The following EBF4 variants were observed in gnomAD, a reference collection of about 807,000 sequenced individuals.
EBF4 encodes the protein transcription factor COE4.
In EBF4, 34 loss-of-function variants were observed where a neutral mutation model predicts 67.1. The observed-to-expected ratio is 0.51, with a 90% confidence interval of 0.39 to 0.67. The LOEUF is 0.67. EBF4 is among the 30% of genes least tolerant of loss of function. The probability of loss-of-function intolerance (pLI) is 0.00; values close to 1 mark genes in which losing one functional copy is unlikely to be tolerated. For synonymous variants in EBF4, 387 were observed against 377.7 expected (o/e 1.02, Z -0.29); for missense variants, 837 against 873.3 (o/e 0.96, Z 0.52).
At chr20:2,734,178 A>T (rs6051341) in intron 6 of EBF4, among the ~76,000 whole-genome samples, 58,503 of 152,008 alleles carry the variant, frequency 0.38, 14,064 homozygotes, top group African/African-American at 0.69. Context: ...TAGGCAGAGA[A>T]GGGCAGATTG....
rs2087941755 is a variant in EBF4, at chr20:2,739,776, G to A, written c.558-8773G>A. Among the ~76,000 whole-genome samples the A allele has an allele frequency of 6.6e-6, 1 of 152,152 alleles. No homozygotes were observed. The highest frequency in any genetic ancestry group is 1.9e-4 in the East Asian group (1 of 5,186). On this transcript the variant is annotated intron_variant, in intron 6 of 16. Coordinates refer to ENST00000609451, the Ensembl canonical transcript of EBF4. This position sits in a 1 kb window ranked among gnomAD's most constrained non-coding sequence, Gnocchi z 4.5. Reference sequence around the variant, plus strand: ...AAATCTTTTAGGATAAAAATTAGCGGAGATCCCTGTCCCCTTATTTCCCCA... The same window carrying A: ...AAATCTTTTAGGATAAAAATTAGCGAAGATCCCTGTCCCCTTATTTCCCCA...
At position 2,693,720 on chromosome 20, in the gene EBF4, G is replaced by T; in HGVS notation, c.75G>T (p.Leu25=). 1 of 1,404,008 alleles carries T rather than the reference G, an allele frequency of 7.1e-7. No individual in the cohort carries two copies. The highest frequency in any genetic ancestry group is 9.2e-7 in the Non-Finnish European group (1 of 1,085,362). The allele number at this position is 1,404,008 out of a possible 1,614,324, so 87.0% of individuals were successfully genotyped here. The change falls in exon 1 of 17, where the codon CTG becomes CTT. Residue 25 remains leucine (L), a synonymous_variant. Transcript: ENST00000609451. This position sits in a 1 kb window ranked among gnomAD's most constrained non-coding sequence, Gnocchi z 4.6. ...AGGAGCCGCTGCTGCCCGCCGGCCT[G>T]GGCTCAGTGCGCTCCTGGATGCAGG...
chr20:2,753,313 G>A (rs752733583), intron 14 of EBF4, among the ~76,000 whole-genome samples: 8 of 152,206 alleles, frequency 5.3e-5, no homozygotes, highest in African/African-American at 1.2e-4. Context: ...GGGGAGCTCA[G>A]AGCTGGGTGG....
rs979405369 is a variant in EBF4, at chr20:2,744,182, G to C, written c.558-4367G>C. On this transcript the variant is annotated intron_variant, in intron 6 of 16. Coordinates refer to ENST00000609451, the Ensembl canonical transcript of EBF4. ...TGCAACCTCCGCCTCCCGGGTTCAA[G>C]TGATTCTCCTGCCTCAGCCTCCCGA... 2.0e-5 allele frequency among the ~76,000 whole-genome samples: 3 copies of C among 151,718 alleles called. No homozygotes were observed. The South Asian group carries it at 6.2e-4, about 32-fold the overall frequency.
In EBF4 at chr20:2,745,766, G is replaced by A. The variant is rs528027368; in HGVS notation, c.558-2783G>A. Among the ~76,000 whole-genome samples, 19 of 152,272 alleles carry A rather than the reference G, an allele frequency of 1.2e-4. No homozygotes were observed. The highest frequency in any genetic ancestry group is 4.3e-4 in the African/African-American group (18 of 41,558). On this transcript the variant is annotated intron_variant, in intron 6 of 16. Coordinates refer to ENST00000609451, the Ensembl canonical transcript of EBF4. The surrounding 1 kb of genome is among the most constrained non-coding windows in gnomAD (Gnocchi z 5.2). Reference sequence around the variant, plus strand: ...ATCGCTACTCTCCCTTCATGGGTGTGGAAGGATTTACCTACCCCGGGTCAT... The same window carrying A: ...ATCGCTACTCTCCCTTCATGGGTGTAGAAGGATTTACCTACCCCGGGTCAT...
At chr20:2,715,555 G>A (rs1008830022) in intron 6 of EBF4, among the ~76,000 whole-genome samples, 3 of 152,074 alleles carry the variant, frequency 2.0e-5, no homozygotes, top group African/African-American at 7.2e-5. Flanking sequence ...GTTTTCCAAG[G>A]TGGTTTGACT....
At chr20:2,712,946 G>A (rs1204639560) in intron 6 of EBF4, among the ~76,000 whole-genome samples, 2 of 152,204 alleles carry the variant, frequency 1.3e-5, no homozygotes, top group East Asian at 1.9e-4. Flanking sequence ...TGACTGTCAC[G>A]GGAGTCATTT....
intron 6 of EBF4, among the ~76,000 whole-genome samples, chr20:2,719,463 C>T (rs752926351): frequency 1.3e-5 from 2 of 152,094 alleles, no homozygotes; most frequent in Non-Finnish European, 2.9e-5. Flanking sequence ...TTGTTAGAGA[C>T]GGGGTTTCAC....
intron 6 of EBF4, among the ~76,000 whole-genome samples, chr20:2,738,991 T>C (rs1050374849): frequency 6.6e-6 from 1 of 152,022 alleles, no homozygotes; most frequent in African/African-American, 2.4e-5. Flanking sequence ...GTGGGGATCA[T>C]GGTGGGGAGG....
intron 6 of EBF4, among the ~76,000 whole-genome samples, chr20:2,731,845 G>A (rs978051848): frequency 6.6e-6 from 1 of 152,186 alleles, no homozygotes; most frequent in East Asian, 1.9e-4. Flanking sequence ...GGATGTGAAC[G>A]TGAATTCTTA....
chr20:2,752,122 G>A (rs1373009961), exon 13 of EBF4: 1 of 1,471,222 alleles, frequency 6.8e-7, no homozygotes, highest in Non-Finnish European at 8.9e-7. Context: ...CGTGGCCGAG[G>A]CTCTGTACAG....
At position 2,737,166 on chromosome 20, in the gene EBF4, C is replaced by T. The variant is rs796225268; in HGVS notation, c.558-11383C>T. On this transcript the variant is annotated intron_variant, in intron 6 of 16. Transcript: ENST00000609451. The stretch of plus-strand genomic sequence containing the variant: ...TCGGGAGGCTGAGGCAGGAGAATGG[C>T]GTGAACCCGGGAGGCGGAGCTTGCA... Among the ~76,000 whole-genome samples, 22 of 150,226 alleles carry T rather than the reference C, an allele frequency of 1.5e-4. 1 individual carries two copies. Among genetic ancestry groups the T allele is most frequent in the South Asian group, 8.4e-4 (4 of 4,734 alleles).
intron 1 of EBF4, among the ~76,000 whole-genome samples, chr20:2,697,279 C>T (rs574973146): frequency 6.6e-6 from 1 of 152,228 alleles, no homozygotes; most frequent in Non-Finnish European, 1.5e-5. Flanking sequence ...GGTGCGATGG[C>T]TCACGCCTGT....
chr20:2,755,736 C>T lies in EBF4; in HGVS notation c.1650C>T (p.Val550=). ...CGCCTGTCAACATGATCTCCGCCGT[C>T]AAACAGAGGAGCGCCTTCGCCCCCG... Residue 550 remains valine, a synonymous_variant, in exon 15 of 17, where the codon GTC becomes GTT. Transcript: ENST00000609451. This position sits in a 1 kb window ranked among gnomAD's most constrained non-coding sequence, Gnocchi z 4.7. 2 of 1,551,126 alleles carry T rather than the reference C, an allele frequency of 1.3e-6. No individual in the cohort carries two copies. Among genetic ancestry groups the T allele is most frequent in the Non-Finnish European group, 1.7e-6 (2 of 1,146,898 alleles).
intron 6 of EBF4, among the ~76,000 whole-genome samples, chr20:2,736,972 G>C (rs770391795): frequency 1.1e-4 from 16 of 152,040 alleles, no homozygotes; most frequent in African/African-American, 3.4e-4. Context: ...GAAGAGGACC[G>C]GGCGCGGTGG....
At chr20:2,697,114 C>A (rs1189222173) in intron 1 of EBF4, among the ~76,000 whole-genome samples, 2 of 152,200 alleles carry the variant, frequency 1.3e-5, no homozygotes, top group African/African-American at 4.8e-5. Context: ...AGCAGCTTCT[C>A]CTGCCCAGTT....
rs1442485557 is a variant in EBF4 at position 2,756,419 on chromosome 20, G to A, written c.1738+595G>A. Among the ~76,000 whole-genome samples the A allele has an allele frequency of 6.6e-6, 1 of 152,176 alleles. No individual in the cohort carries two copies. The highest frequency in any genetic ancestry group is 1.5e-5 in the Non-Finnish European group (1 of 68,030). On this transcript the variant is annotated intron_variant, in intron 15 of 16. Transcript: ENST00000609451. The surrounding 1 kb of genome is among the most constrained non-coding windows in gnomAD (Gnocchi z 4.5). ...CCAGCAGAGCCTTTCCTATCCACGT[G>A]GTGATTGGAAACTCACTGGGAGGAC...
intron 15 of EBF4, among the ~76,000 whole-genome samples, chr20:2,758,171 C>T (rs1417340965): frequency 6.6e-6 from 1 of 152,186 alleles, no homozygotes; most frequent in Non-Finnish European, 1.5e-5. Context: ...GTCTTTTCTA[C>T]CAATGAGAAG....
intron 6 of EBF4, among the ~76,000 whole-genome samples, chr20:2,735,898 T>G (rs1005160720): frequency 2.0e-5 from 3 of 152,240 alleles, no homozygotes; most frequent in East Asian, 1.9e-4. Flanking sequence ...TACATAATAA[T>G]AAGAAGAAAT....
Sources: gnomAD v4.1 joint callset for allele counts (sites outside exome capture counted in the v4.1 genomes callset) on GRCh38, gnomAD v4.1.1 for gene constraint, Gnocchi (gnomAD v3.1) non-coding constraint, MANE v1.5 for transcripts, NCBI Gene and HGNC (gene_info 2026-07-23, HGNC 2026-07-21) for gene names.